Variants in LCP2 observed in about 807,000 individuals in gnomAD.
LCP2 encodes lymphocyte cytosolic protein 2.
A neutral mutation model predicts 74.5 loss-of-function variants in LCP2; 29 were observed. The observed-to-expected ratio is 0.39, with a 90% CI of 0.29 to 0.53. LCP2 has a LOEUF of 0.53. Ranked by LOEUF, LCP2 falls within the 20% of genes least tolerant of loss-of-function variation. LCP2 has a pLI of 0.72. For synonymous variants in LCP2, 228 were observed against 229.5 expected (o/e 0.99, Z 0.06); for missense variants, 604 against 634.6 (o/e 0.95, Z 0.52).
chr5:170,274,237 C>T (rs184500051), intron 6 of LCP2, 64 bp downstream of exon 6: 1 of 1,553,156 alleles, frequency 6.4e-7, no homozygotes, highest in Admixed American at 1.8e-5. Context: ...CATCCTGGCT[C>T]CTTATCACAA....
In LCP2 at chr5:170,268,406, TGGGGGCGGGAG is replaced by T; in HGVS notation, c.589_599del (p.Leu197ThrfsTer51). On this transcript the variant is annotated frameshift_variant, in exon 8 of 21. Coordinates refer to ENST00000046794, the MANE Select transcript of LCP2 (RefSeq NM_005565.5). LOFTEE classifies it high-confidence loss of function. ...CTACCGAGTGATTCCGGCCGGCTGG[TGGGGGCGGGAG>T]GGCGGCCATCGGTCTCTGGGGGGGC... The T allele has an allele frequency of 2.1e-6, 1 of 466,530 alleles. No individual in the cohort carries two copies. Among genetic ancestry groups the T allele is most frequent in the Non-Finnish European group, 2.6e-6 (1 of 386,248 alleles). The allele number at this position is 466,530 out of a possible 1,614,324, so 28.9% of individuals were successfully genotyped here. A position where few individuals can be genotyped will look rare whatever the true frequency, so the allele number is the denominator to read the frequency against.
intron 16 of LCP2, among the ~76,000 whole-genome samples, chr5:170,257,298 G>A (rs192708720): frequency 6.6e-6 from 1 of 152,192 alleles, no homozygotes; most frequent in Non-Finnish European, 1.5e-5. Flanking sequence ...AGAGGGAGAA[G>A]AGCAGCAGAA....
At chr5:170,274,705 A>C (rs574687090) in intron 5 of LCP2, among the ~76,000 whole-genome samples, 1 of 152,280 alleles carries the variant, frequency 6.6e-6, no homozygotes, top group African/African-American at 2.4e-5. Flanking sequence ...GAACAGTTGA[A>C]AAGCTGCTTT....
chr5:170,270,629 TG>T lies in LCP2; in HGVS notation c.523+89del. ...TCGAGACCCAGAGCTTTCTGCTACA[TG>T]GGCAAGCTGGGGCATCAGCCTTCCA... is the stretch of plus-strand genomic sequence containing the variant. On this transcript the variant is annotated intron_variant, in intron 7 of 20. Coordinates refer to ENST00000046794, the MANE Select transcript of LCP2 (RefSeq NM_005565.5). 4.1e-6 allele frequency: 5 copies of T among 1,212,412 alleles called. No homozygotes were observed. In the East Asian group the frequency reaches 1.3e-4, roughly 31 times the overall value. The allele number at this position is 1,212,412 out of a possible 1,614,324, so 75.1% of individuals were successfully genotyped here. A position where few individuals can be genotyped will look rare whatever the true frequency, so the allele number is the denominator to read the frequency against.
intron 6 of LCP2, among the ~76,000 whole-genome samples, chr5:170,271,722 T>C (rs1479854792): frequency 1.3e-5 from 2 of 151,990 alleles, no homozygotes; most frequent in African/African-American, 4.8e-5. Context: ...GCAGCAGTGA[T>C]GAGCGCTCAT....
Position 170,248,627 on chromosome 5 carries a change from G to T in LCP2, c.*70C>A. The stretch of plus-strand genomic sequence containing the variant: ...GTTCAGTCCTAAGTGTTTGTCCATT[G>T]ACCAAGGCTGATTGATCTCGTGTTG... On this transcript the variant is annotated 3_prime_UTR_variant, in exon 21 of 21. Transcript: ENST00000046794. 1 of 1,578,628 alleles carries T rather than the reference G, an allele frequency of 6.3e-7. No homozygotes were observed. Among genetic ancestry groups the T allele is most frequent in the African/African-American group, 1.4e-5 (1 of 74,024 alleles).
chr5:170,287,157 C>T (rs1258217587), intron 3 of LCP2, among the ~76,000 whole-genome samples: 1 of 152,224 alleles, frequency 6.6e-6, no homozygotes, highest in Non-Finnish European at 1.5e-5. Flanking sequence ...TTCTCTATTG[C>T]TTCACCAACA....
intron 2 of LCP2, among the ~76,000 whole-genome samples, chr5:170,292,299 A>G (rs1762307182): frequency 6.6e-6 from 1 of 152,208 alleles, no homozygotes; most frequent in African/African-American, 2.4e-5. Flanking sequence ...CAATAGGAGC[A>G]CAGGTTAGTT....
At chr5:170,275,577 T>C in intron 4 of LCP2, 2 of 645,768 alleles carry the variant, frequency 3.1e-6, no homozygotes, top group Non-Finnish European at 5.4e-6. Flanking sequence ...GACTGTCTGA[T>C]GCTGTAGAGG....
intron 3 of LCP2, among the ~76,000 whole-genome samples, chr5:170,287,011 C>T (rs187534905): frequency 6.6e-6 from 1 of 152,312 alleles, no homozygotes; most frequent in East Asian, 1.9e-4. Flanking sequence ...AGATATAGCA[C>T]ATGAAACCCA....
At chr5:170,293,278 G>C (rs1762320247) in intron 2 of LCP2, 32 bp downstream of exon 2, 2 of 1,594,208 alleles carry the variant, frequency 1.3e-6, no homozygotes, top group African/African-American at 1.3e-5. Flanking sequence ...GAACAGTCTT[G>C]GTTTCAGTGT....
In LCP2 at chr5:170,268,484, T is replaced by C; in HGVS notation, c.524-2A>G. On this transcript the variant is annotated splice_acceptor_variant, in intron 7 of 20. Transcript: ENST00000046794. LOFTEE classifies it high-confidence loss of function. ...GGGTTTTCCCAGAGGGGGGCCGGTC[T>C]GTGGAAACACAAGGTTATTAAAGTG... is the stretch of plus-strand genomic sequence containing the variant. The C allele has an allele frequency of 3.6e-6, 1 of 278,790 alleles. No homozygotes were observed. The allele number at this position is 278,790 out of a possible 1,614,324, so 17.3% of individuals were successfully genotyped here. A position where few individuals can be genotyped will look rare whatever the true frequency, so the allele number is the denominator to read the frequency against.
intron 6 of LCP2, among the ~76,000 whole-genome samples, chr5:170,271,394 G>A (rs917287740): frequency 4.6e-5 from 7 of 152,104 alleles, no homozygotes; most frequent in Non-Finnish European, 1.0e-4. Context: ...CGGCTAAGGG[G>A]AAAAACAGAT....
Position 170,248,602 on chromosome 5 carries a change from G to C in LCP2, c.*95C>G. ...CCTTGTGTTCATGGGGAGGGGTTCA[G>C]TTCAGTCCTAAGTGTTTGTCCATTG... On this transcript the variant is annotated 3_prime_UTR_variant, in exon 21 of 21. Coordinates refer to ENST00000046794, the MANE Select transcript of LCP2 (RefSeq NM_005565.5). 7.3e-7 allele frequency: 1 copy of C among 1,373,680 alleles called. No individual in the cohort carries two copies. The highest frequency in any genetic ancestry group is 1.0e-6 in the Non-Finnish European group (1 of 981,758). 85.1% of individuals were successfully genotyped at this position (1,373,680 alleles called of 1,614,324 possible).
chr5:170,256,509 A>T lies in LCP2; in HGVS notation c.1150+17T>A. The T allele has an allele frequency of 6.2e-7, 1 of 1,608,084 alleles. No homozygotes were observed. The highest frequency in any genetic ancestry group is 8.5e-7 in the Non-Finnish European group (1 of 1,174,444). On this transcript the variant is annotated intron_variant, in intron 17 of 20. Transcript: ENST00000046794. The surrounding 1 kb of genome is among the most constrained non-coding windows in gnomAD (Gnocchi z 4.5). Reference sequence around the variant, plus strand: ...GCTTGATGGCTGAAGCACGTCACAAAAGCCCAGAGTACAAACCTTGAGAGA... The same window carrying T: ...GCTTGATGGCTGAAGCACGTCACAATAGCCCAGAGTACAAACCTTGAGAGA...
intron 3 of LCP2, among the ~76,000 whole-genome samples, chr5:170,278,053 G>A (rs560753777): frequency 6.6e-6 from 1 of 151,236 alleles, no homozygotes; most frequent in East Asian, 2.0e-4. Flanking sequence ...CGATGGGCAT[G>A]TGGGATAAAA....
At chr5:170,290,951 GAAAAGAAAGA>G (rs1163334803) in intron 2 of LCP2, among the ~76,000 whole-genome samples, 3 of 73,394 alleles carry the variant, frequency 4.1e-5, no homozygotes, top group African/African-American at 1.6e-4. Flanking sequence ...AAGAAAGAAA[GAAAAGAAAGA>G]AAGAAAGAAA....
At chr5:170,295,664 T>A (rs966554044) in intron 1 of LCP2, among the ~76,000 whole-genome samples, 2 of 152,200 alleles carry the variant, frequency 1.3e-5, no homozygotes, top group African/African-American at 4.8e-5. Context: ...ACAGCTAAGA[T>A]CCATTCCCAA....
chr5:170,274,606 G>A (rs1761973675), intron 5 of LCP2, among the ~76,000 whole-genome samples: 1 of 152,194 alleles, frequency 6.6e-6, no homozygotes, highest in African/African-American at 2.4e-5. Context: ...TTTAAGACCT[G>A]TAGATACCTG....
Sources: gnomAD v4.1 joint callset for allele counts (sites outside exome capture counted in the v4.1 genomes callset) on GRCh38, gnomAD v4.1.1 for gene constraint, Gnocchi (gnomAD v3.1) non-coding constraint, MANE v1.5 for transcripts, NCBI Gene and HGNC (gene_info 2026-07-23, HGNC 2026-07-21) for gene names.